KCNMB2: variants seen among roughly 807,000 people sequenced by gnomAD.
KCNMB2 encodes the protein calcium-activated potassium channel subunit beta-2.
KCNMB2 carries 9 observed loss-of-function variants against 24.5 expected under a neutral mutation model. The ratio of observed to expected loss-of-function variants is 0.37; its 90% CI spans 0.22 to 0.64. The LOEUF (loss-of-function observed/expected upper bound fraction) is 0.64. KCNMB2 is among the 30% of genes least tolerant of loss of function. The probability of loss-of-function intolerance (pLI) is 0.63; values close to 1 mark genes in which losing one functional copy is unlikely to be tolerated. For missense variants in KCNMB2, 226 were observed against 284.3 expected (o/e 0.79, Z 1.47); for synonymous variants, 109 against 104.4 (o/e 1.04, Z -0.27).
chr3:178,686,371 T>G (rs1390965054), intron 1 of KCNMB2, among the ~76,000 whole-genome samples: 1 of 152,206 alleles, frequency 6.6e-6, no homozygotes, highest in East Asian at 1.9e-4. Flanking sequence ...TAATTTTCTT[T>G]AAAAGTGATC....
At chr3:178,705,191 C>G (rs1722237891) in intron 1 of KCNMB2, among the ~76,000 whole-genome samples, 1 of 152,102 alleles carries the variant, frequency 6.6e-6, no homozygotes, top group African/African-American at 2.4e-5. Context: ...TACAGCCCTT[C>G]TGGTAGCTTC....
chr3:178,589,972 A>G lies in KCNMB2; in HGVS notation c.-68+53261A>G, dbSNP rs111592303. Among the ~76,000 whole-genome samples the G allele has an allele frequency of 3.4e-3, 525 of 152,322 alleles. 3 individuals are homozygous for G. The highest frequency in any genetic ancestry group is 0.012 in the African/African-American group (502 of 41,584). On this transcript the variant is annotated intron_variant, in intron 1 of 4. Transcript: ENST00000452583. ...TTAAATTGTTCACCCTGAGCTGGGA[A>G]TTTTCTTTTAACATCCTACTGTGTA...
chr3:178,583,037 ATTTTC>A (rs1243336428), intron 1 of KCNMB2, among the ~76,000 whole-genome samples: 2 of 152,150 alleles, frequency 1.3e-5, no homozygotes, highest in Admixed American at 1.3e-4. Flanking sequence ...AAATGGAATA[ATTTTC>A]TATATGTTCA....
intron 1 of KCNMB2, among the ~76,000 whole-genome samples, chr3:178,590,596 A>G (rs986608849): frequency 2.0e-5 from 3 of 152,332 alleles, no homozygotes; most frequent in Non-Finnish European, 4.4e-5. Context: ...CTTCTCCAAG[A>G]GCTGTATGCA....
chr3:178,780,411 G>A (rs1339261591), intron 1 of KCNMB2, among the ~76,000 whole-genome samples: 1 of 152,218 alleles, frequency 6.6e-6, no homozygotes, highest in Non-Finnish European at 1.5e-5. Context: ...CCTCCCAGTT[G>A]AGACTCAGGG....
intron 2 of KCNMB2, among the ~76,000 whole-genome samples, chr3:178,818,326 A>T (rs1714487925): frequency 6.6e-6 from 1 of 152,202 alleles, no homozygotes; most frequent in African/African-American, 2.4e-5. Flanking sequence ...TTTGTTACAC[A>T]GGTAAACATG....
chr3:178,544,491 G>A (rs889360485), intron 1 of KCNMB2, among the ~76,000 whole-genome samples: 1 of 152,156 alleles, frequency 6.6e-6, no homozygotes. Context: ...ATGATCCTGG[G>A]TGAGAATTTC....
At chr3:178,769,923 T>G (rs561221362) in intron 1 of KCNMB2, among the ~76,000 whole-genome samples, 1 of 152,338 alleles carries the variant, frequency 6.6e-6, no homozygotes, top group East Asian at 1.9e-4. Context: ...ACAAATGTAG[T>G]CTCTAGTAAA....
intron 1 of KCNMB2, among the ~76,000 whole-genome samples, chr3:178,648,075 T>C (rs910247186): frequency 2.6e-5 from 4 of 152,274 alleles, no homozygotes; most frequent in East Asian, 3.9e-4. Flanking sequence ...ATCAAGTGCA[T>C]GCAGAGCCCT....
intron 1 of KCNMB2, among the ~76,000 whole-genome samples, chr3:178,586,474 T>C (rs895896836): frequency 1.3e-5 from 2 of 151,734 alleles, no homozygotes; most frequent in African/African-American, 4.8e-5. Context: ...CCTGTCATAA[T>C]TTTTTTTCAG....
At chr3:178,827,797 A>G (rs892498777) in intron 3 of KCNMB2, among the ~76,000 whole-genome samples, 4 of 152,206 alleles carry the variant, frequency 2.6e-5, no homozygotes, top group Non-Finnish European at 5.9e-5. Context: ...AAAGTAAAAC[A>G]TACAGAGGTA....
intron 1 of KCNMB2, among the ~76,000 whole-genome samples, chr3:178,724,616 C>T (rs181326195): frequency 4.8e-4 from 73 of 152,202 alleles, no homozygotes; most frequent in Middle Eastern, 3.4e-3. Context: ...AGGGTTTCTT[C>T]TAGGATTTTT....
intron 1 of KCNMB2, among the ~76,000 whole-genome samples, chr3:178,602,008 C>T (rs923922705): frequency 1.3e-5 from 2 of 152,148 alleles, no homozygotes; most frequent in Non-Finnish European, 2.9e-5. Context: ...TAATAACAGG[C>T]TTCTGCATGA....
In KCNMB2 at chr3:178,780,053, T is replaced by A. The variant is rs1048782047; in HGVS notation, c.-67-27290T>A. Among the ~76,000 whole-genome samples, 804 of 133,996 alleles carry A rather than the reference T, an allele frequency of 6.0e-3. 2 individuals are homozygous for A. Among genetic ancestry groups the A allele is most frequent in the African/African-American group, 0.012 (414 of 35,978 alleles). The allele number at this position is 133,996 out of a possible 152,430, so 87.9% of individuals were successfully genotyped here. On this transcript the variant is annotated intron_variant, in intron 1 of 4. Coordinates refer to ENST00000452583, the MANE Select transcript of KCNMB2 (RefSeq NM_181361.3). Reference sequence around the variant, plus strand: ...ATGGTGACCAATTAGTTGTTTTTTTTAAAAAAAAAAAAAAAAAAAGCACTA... The same window carrying A: ...ATGGTGACCAATTAGTTGTTTTTTTAAAAAAAAAAAAAAAAAAAAGCACTA...
At chr3:178,683,708 C>T (rs1721355843) in intron 1 of KCNMB2, among the ~76,000 whole-genome samples, 1 of 152,200 alleles carries the variant, frequency 6.6e-6, no homozygotes, top group Non-Finnish European at 1.5e-5. Context: ...AACCTTCACT[C>T]ATCAACTGCT....
chr3:178,677,140 G>T (rs1449869665), intron 1 of KCNMB2, among the ~76,000 whole-genome samples: 2 of 152,160 alleles, frequency 1.3e-5, no homozygotes, highest in Non-Finnish European at 2.9e-5. Context: ...CTTTGCCTCA[G>T]TTAATATAAG....
intron 1 of KCNMB2, among the ~76,000 whole-genome samples, chr3:178,772,909 C>A (rs962056717): frequency 6.6e-6 from 1 of 152,138 alleles, no homozygotes; most frequent in African/African-American, 2.4e-5. Context: ...CCTGAACCAC[C>A]CTTGTGGTTT....
Position 178,843,157 on chromosome 3 carries a change from A to C in KCNMB2, c.*220A>C. The C allele has an allele frequency of 1.6e-6, 1 of 628,338 alleles. No individual in the cohort carries two copies. Among genetic ancestry groups the C allele is most frequent in the Non-Finnish European group, 2.9e-6 (1 of 339,186 alleles). The allele number at this position is 628,338 out of a possible 1,614,324, so 38.9% of individuals were successfully genotyped here. ...TTTTGTGTTGGTTGGTGGTTTTCAT[A>C]ATCTTATTTCTGTACTGGAACTAGT... On this transcript the variant is annotated 3_prime_UTR_variant, in exon 5 of 5. Coordinates refer to ENST00000452583, the MANE Select transcript of KCNMB2 (RefSeq NM_181361.3).
chr3:178,757,374 C>CTATATA (rs1724124445), intron 1 of KCNMB2, among the ~76,000 whole-genome samples: 1 of 23,052 alleles, frequency 4.3e-5, no homozygotes, highest in Admixed American at 5.1e-4. Context: ...ATATATATAT[C>CTATATA]CAAGAGGATA....
Sources: allele counts gnomAD v4.1 joint callset (sites outside exome capture counted in the v4.1 genomes callset), GRCh38; gene constraint gnomAD v4.1.1; transcripts MANE v1.5; gene names NCBI Gene and HGNC (gene_info 2026-07-23, HGNC 2026-07-21).